The following FAM174B variants were observed in gnomAD, a reference collection of about 807,000 sequenced individuals.
FAM174B encodes family with sequence similarity 174 member B.
In FAM174B, 12 loss-of-function variants were observed where a neutral mutation model predicts 10.9. That is an observed-to-expected ratio of 1.10 (90% CI 0.71 to 1.79). The LOEUF is 1.79. FAM174B is among the 40% of genes most tolerant of loss of function. The pLI, the probability that FAM174B is intolerant of heterozygous loss-of-function variation, is 0.00. For synonymous variants in FAM174B, 132 were observed against 115.8 expected (o/e 1.14, Z -0.90); for missense variants, 266 against 233.3 (o/e 1.14, Z -0.91).
intron 1 of FAM174B, among the ~76,000 whole-genome samples, chr15:92,637,335 G>T (rs2050862569): frequency 6.6e-6 from 1 of 152,194 alleles, no homozygotes; most frequent in Non-Finnish European, 1.5e-5. Context: ...TATGGTAGAG[G>T]GCAGATTGGA....
intron 2 of FAM174B, among the ~76,000 whole-genome samples, chr15:92,629,373 C>G (rs1044753646): frequency 6.6e-6 from 1 of 152,222 alleles, no homozygotes; most frequent in Admixed American, 6.5e-5. Flanking sequence ...GTCATTCTGA[C>G]TTTCCTAGAG....
At chr15:92,630,807 A>AT (rs1567044650) in intron 1 of FAM174B, among the ~76,000 whole-genome samples, 2 of 43,586 alleles carry the variant, frequency 4.6e-5, no homozygotes, top group Admixed American at 2.5e-4. Flanking sequence ...CATATTATAT[A>AT]TATTTTATAT....
rs1296291072 is a variant in FAM174B, at chr15:92,618,981, AAGC to A, written c.*472_*474del. 16 of 589,040 alleles carry A rather than the reference AAGC, an allele frequency of 2.7e-5. No homozygotes were observed. The highest frequency in any genetic ancestry group is 9.0e-6 in the Non-Finnish European group (3 of 332,152). The allele number at this position is 589,040 out of a possible 1,614,324, so 36.5% of individuals were successfully genotyped here. A position where few individuals can be genotyped will look rare whatever the true frequency, so the allele number is the denominator to read the frequency against. ...AGGCCAGGACCTGACCAAGCCAAAA[AAGC>A]AGCAAAGGATCAGATGGGGTCCAAT... On this transcript the variant is annotated 3_prime_UTR_variant, in exon 3 of 3. Coordinates refer to ENST00000327355, the MANE Select transcript of FAM174B (RefSeq NM_207446.3).
intron 1 of FAM174B, among the ~76,000 whole-genome samples, chr15:92,638,164 T>C (rs1048609143): frequency 5.9e-5 from 9 of 152,234 alleles, no homozygotes; most frequent in Non-Finnish European, 1.3e-4. Context: ...CTGGTTGAGA[T>C]GTAAAGTGGT....
chr15:92,651,865 GAC>G (rs34130977), intron 1 of FAM174B, among the ~76,000 whole-genome samples: 115,136 of 152,034 alleles, frequency 0.76, 44,471 homozygotes, highest in East Asian at 0.97. Flanking sequence ...TTCATTAAAA[GAC>G]ACATTCTTTG....
intron 1 of FAM174B, 152 bp downstream of exon 1, chr15:92,655,164 C>A: frequency 8.8e-7 from 1 of 1,132,998 alleles, no homozygotes; most frequent in Non-Finnish European, 1.2e-6. Flanking sequence ...CCCGGCCCCC[C>A]ACCCACTCTC....
At chr15:92,632,862 T>A (rs1157257449) in intron 1 of FAM174B, among the ~76,000 whole-genome samples, 2 of 152,154 alleles carry the variant, frequency 1.3e-5, no homozygotes, top group African/African-American at 4.8e-5. Flanking sequence ...AGAGGGTCAC[T>A]GTGGGCTGCA....
chr15:92,635,878 G>A (rs1021090076), intron 1 of FAM174B, among the ~76,000 whole-genome samples: 1 of 152,088 alleles, frequency 6.6e-6, no homozygotes, highest in African/African-American at 2.4e-5. Context: ...ACCGCACCCA[G>A]CACATTTCTC....
At chr15:92,655,147 A>C in intron 1 of FAM174B, 169 bp downstream of exon 1, 2 of 892,216 alleles carry the variant, frequency 2.2e-6, no homozygotes, top group Non-Finnish European at 3.1e-6. Flanking sequence ...AATCCAGACG[A>C]GCACACCCCG....
At chr15:92,629,943 C>A (rs2050779854) in intron 2 of FAM174B, among the ~76,000 whole-genome samples, 1 of 152,186 alleles carries the variant, frequency 6.6e-6, no homozygotes, top group South Asian at 2.1e-4. Flanking sequence ...CTCCTCCTTG[C>A]CTTCCACCAT....
At chr15:92,629,445 C>T (rs559356675) in intron 2 of FAM174B, among the ~76,000 whole-genome samples, 8 of 152,304 alleles carry the variant, frequency 5.3e-5, no homozygotes, top group East Asian at 1.9e-4. Flanking sequence ...CAAGCAGGAA[C>T]GCCACCCACC....
chr15:92,628,679 G>C (rs979875801), intron 2 of FAM174B, among the ~76,000 whole-genome samples: 2 of 152,028 alleles, frequency 1.3e-5, no homozygotes, highest in South Asian at 4.1e-4. Context: ...TAACCAATCC[G>C]TTTTAATGCT....
At chr15:92,630,175 C>T in intron 2 of FAM174B, 39 bp downstream of exon 2, 1 of 1,607,452 alleles carries the variant, frequency 6.2e-7, no homozygotes, top group South Asian at 1.1e-5. Flanking sequence ...CAACCCACTG[C>T]CCCAAGCCCA....
At chr15:92,635,730 G>T (rs755822842) in intron 1 of FAM174B, among the ~76,000 whole-genome samples, 1 of 152,062 alleles carries the variant, frequency 6.6e-6, no homozygotes, top group African/African-American at 2.4e-5. Flanking sequence ...ACAGGCGCCT[G>T]CCACCATGCC....
chr15:92,622,354 G>A (rs1434967581), intron 2 of FAM174B, among the ~76,000 whole-genome samples: 3 of 152,256 alleles, frequency 2.0e-5, no homozygotes, highest in Non-Finnish European at 4.4e-5. Context: ...GCCCAGGTCA[G>A]GCCTGGACAC....
chr15:92,644,375 T>G (rs1596302101), intron 1 of FAM174B, among the ~76,000 whole-genome samples: 1 of 151,968 alleles, frequency 6.6e-6, no homozygotes, highest in East Asian at 1.9e-4. Flanking sequence ...GATAGAAATC[T>G]CATCTTACTC....
At chr15:92,639,958 TC>T (rs570016215) in intron 1 of FAM174B, among the ~76,000 whole-genome samples, 68 of 152,018 alleles carry the variant, frequency 4.5e-4, no homozygotes, top group African/African-American at 1.4e-3. Flanking sequence ...CACAGTGGCA[TC>T]CCACACTAAC....
At position 92,655,380 on chromosome 15, in the gene FAM174B, C is replaced by A; in HGVS notation, c.280G>T (p.Ala94Ser). The part of the protein sequence containing the change: ...LLRDLPTLKA[A>S]VIVAFAFTTL... ...GTAAAGGCGAACGCCACGATCACGG[C>A]TGCCTTGAGGGTGGGTAGGTCGCGG... The change falls in exon 1 of 3, where the codon GCC becomes TCC. Residue 94 changes from alanine (A) to serine (S), a missense_variant. Coordinates refer to ENST00000327355, the MANE Select transcript of FAM174B (RefSeq NM_207446.3). 2.5e-6 allele frequency: 4 copies of A among 1,592,638 alleles called. No individual in the cohort carries two copies. Among genetic ancestry groups the A allele is most frequent in the Non-Finnish European group, 3.4e-6 (4 of 1,170,348 alleles).
chr15:92,618,975 C>A lies in FAM174B; in HGVS notation c.*481G>T. ...AAAATGAGGCCAGGACCTGACCAAG[C>A]CAAAAAAGCAGCAAAGGATCAGATG... On this transcript the variant is annotated 3_prime_UTR_variant, in exon 3 of 3. Transcript: ENST00000327355. 1 of 584,054 alleles carries A rather than the reference C, an allele frequency of 1.7e-6. No individual in the cohort carries two copies. Among genetic ancestry groups the A allele is most frequent in the Non-Finnish European group, 3.0e-6 (1 of 329,336 alleles). 36.2% of individuals were successfully genotyped at this position (584,054 alleles called of 1,614,324 possible).
Sources: gnomAD v4.1 joint callset for allele counts (sites outside exome capture counted in the v4.1 genomes callset) on GRCh38, gnomAD v4.1.1 for gene constraint, MANE v1.5 for transcripts, NCBI Gene and HGNC (gene_info 2026-07-23, HGNC 2026-07-21) for gene names.